CCDC178: variants seen among roughly 807,000 people sequenced by gnomAD.
CCDC178 encodes coiled-coil domain containing 178, also known as coiled-coil domain-containing protein 178.
In CCDC178, 126 loss-of-function variants were observed where a neutral mutation model predicts 117.4. The ratio of observed to expected loss-of-function variants is 1.07; its 90% confidence interval spans 0.93 to 1.24. CCDC178 has a LOEUF of 1.24. Among genes scored for constraint, CCDC178 ranks in the 50% most tolerant of loss-of-function variants. CCDC178 has a pLI of 0.00. For synonymous variants in CCDC178, 283 were observed against 313.4 expected, an observed-to-expected ratio of 0.90 and a Z score of 1.02; for missense variants, 1,030 against 986.9, an observed-to-expected ratio of 1.04 and a Z score of -0.59.
intron 12 of CCDC178, among the ~76,000 whole-genome samples, chr18:33,281,274 T>C (rs1010980448): frequency 6.6e-6 from 1 of 151,968 alleles, no homozygotes; most frequent in Non-Finnish European, 1.5e-5. Flanking sequence ...TTCACTGAAA[T>C]CAATTATAAA....
chr18:33,177,742 C>T (rs921880870), intron 20 of CCDC178, among the ~76,000 whole-genome samples: 3 of 152,156 alleles, frequency 2.0e-5, no homozygotes, highest in African/African-American at 7.2e-5. Context: ...TGGCTTCTTC[C>T]TCCACCACTT....
chr18:32,941,075 T>G (rs2054229170), intron 22 of CCDC178, among the ~76,000 whole-genome samples: 3 of 151,696 alleles, frequency 2.0e-5, no homozygotes, highest in African/African-American at 7.3e-5. Flanking sequence ...TGCAGTTTAA[T>G]GATTTTTTTT....
chr18:33,343,490 C>A (rs2062844329), intron 9 of CCDC178, among the ~76,000 whole-genome samples: 1 of 152,088 alleles, frequency 6.6e-6, no homozygotes, highest in Non-Finnish European at 1.5e-5. Flanking sequence ...CTTAAAGTGA[C>A]CAGATGGAGA....
At chr18:33,063,670 T>A (rs928287692) in intron 21 of CCDC178, among the ~76,000 whole-genome samples, 1 of 152,142 alleles carries the variant, frequency 6.6e-6, no homozygotes, top group African/African-American at 2.4e-5. Context: ...CCTTTGCTGC[T>A]ACTGCTGGCA....
At chr18:33,007,709 G>A (rs2055779913) in intron 21 of CCDC178, among the ~76,000 whole-genome samples, 2 of 152,026 alleles carry the variant, frequency 1.3e-5, no homozygotes, top group Admixed American at 6.6e-5. Flanking sequence ...GGCTATTGGT[G>A]GCTATTATAT....
chr18:33,043,798 T>C (rs1390351146), intron 21 of CCDC178, among the ~76,000 whole-genome samples: 4 of 152,044 alleles, frequency 2.6e-5, no homozygotes, highest in African/African-American at 9.6e-5. Context: ...TATATGTAAA[T>C]GATTTTTTAA....
At chr18:33,240,940 T>C (rs1236088232) in intron 15 of CCDC178, among the ~76,000 whole-genome samples, 1 of 151,400 alleles carries the variant, frequency 6.6e-6, no homozygotes, top group Non-Finnish European at 1.5e-5. Context: ...ATAGAGGCAA[T>C]AACTTAAACA....
intron 22 of CCDC178, among the ~76,000 whole-genome samples, chr18:32,965,755 T>C (rs1429969174): frequency 6.6e-6 from 1 of 151,622 alleles, no homozygotes; most frequent in Non-Finnish European, 1.5e-5. Flanking sequence ...TAATCACCAC[T>C]AATTAATATA....
chr18:33,176,935 T>C (rs2058670813), intron 20 of CCDC178, among the ~76,000 whole-genome samples: 1 of 152,230 alleles, frequency 6.6e-6, no homozygotes, highest in South Asian at 2.1e-4. Flanking sequence ...TCACTTATAC[T>C]TTTCAACAAT....
chr18:33,141,831 T>C (rs1289351584), intron 20 of CCDC178, among the ~76,000 whole-genome samples: 2 of 152,186 alleles, frequency 1.3e-5, no homozygotes, highest in Non-Finnish European at 2.9e-5. Context: ...CAATGTAAGT[T>C]TCATGAGCAT....
chr18:32,958,105 T>C, intron 22 of CCDC178: 1 of 423,496 alleles, frequency 2.4e-6, no homozygotes, highest in East Asian at 3.6e-5. Flanking sequence ...AAATTATTGA[T>C]GCTACACACT....
intron 14 of CCDC178, among the ~76,000 whole-genome samples, chr18:33,246,922 G>C (rs929103861): frequency 6.6e-6 from 1 of 151,932 alleles, no homozygotes; most frequent in African/African-American, 2.4e-5. Flanking sequence ...AATCAGAAAA[G>C]ATGACCATAA....
At position 33,224,717 on chromosome 18, in the gene CCDC178, G is replaced by A. The variant is rs77014111; in HGVS notation, c.1818+58C>T. The A allele has an allele frequency of 3.2e-4, 355 of 1,102,944 alleles. 1 individual carries two copies. The African/African-American group carries it at 4.5e-3, about 14-fold the overall frequency. 68.3% of individuals were successfully genotyped at this position (1,102,944 alleles called of 1,614,324 possible). On this transcript the variant is annotated intron_variant, in intron 17 of 22. Coordinates refer to ENST00000383096, the MANE Select transcript of CCDC178 (RefSeq NM_001105528.4). ...CAAATGATAATGTAAAATCACATGC[G>A]TAACTTACTAACGTATATATTTCTG...
intron 15 of CCDC178, among the ~76,000 whole-genome samples, chr18:33,235,779 G>A (rs2059419378): frequency 6.6e-6 from 1 of 152,154 alleles, no homozygotes; most frequent in Non-Finnish European, 1.5e-5. Flanking sequence ...TGGTTGCAAT[G>A]TCGCATTCTT....
chr18:33,122,167 T>G (rs565324558), intron 20 of CCDC178, among the ~76,000 whole-genome samples: 1 of 152,304 alleles, frequency 6.6e-6, no homozygotes, highest in African/African-American at 2.4e-5. Flanking sequence ...GAATACTATA[T>G]ACATTTTGCA....
At chr18:33,403,022 C>A (rs764932603) in intron 3 of CCDC178, among the ~76,000 whole-genome samples, 14 of 152,208 alleles carry the variant, frequency 9.2e-5, no homozygotes, top group Non-Finnish European at 1.9e-4. Context: ...TAGACAATTA[C>A]TTCAGTCTCA....
intron 3 of CCDC178, among the ~76,000 whole-genome samples, chr18:33,403,783 C>A (rs560359137): frequency 6.6e-6 from 1 of 152,216 alleles, no homozygotes; most frequent in African/African-American, 2.4e-5. Flanking sequence ...AATTGATTAA[C>A]TATTGGAGGC....
intron 21 of CCDC178, among the ~76,000 whole-genome samples, chr18:32,987,671 C>G (rs1321885321): frequency 1.3e-5 from 2 of 152,070 alleles, no homozygotes; most frequent in Admixed American, 6.6e-5. Context: ...ATAAAGCAAG[C>G]CTTTTATTAC....
chr18:33,067,635 G>A lies in CCDC178; in HGVS notation c.2388+25126C>T, dbSNP rs571331224. On this transcript the variant is annotated intron_variant, in intron 21 of 22. Transcript: ENST00000383096. Reference sequence around the variant, plus strand: ...TGAAGCGGGTGGATGACCTGAAGTCGGGAGTTCGAGACCAGCCTGACCAAC... The same window carrying A: ...TGAAGCGGGTGGATGACCTGAAGTCAGGAGTTCGAGACCAGCCTGACCAAC... 5.9e-5 allele frequency among the ~76,000 whole-genome samples: 9 copies of A among 152,158 alleles called. No individual in the cohort carries two copies. In the East Asian group the frequency reaches 9.7e-4, roughly 16 times the overall value.
Sources: gnomAD v4.1 joint callset for allele counts (sites outside exome capture counted in the v4.1 genomes callset) on GRCh38, gnomAD v4.1.1 for gene constraint, MANE v1.5 for transcripts, NCBI Gene and HGNC (gene_info 2026-07-23, HGNC 2026-07-21) for gene names.